Variants in LTAP1 observed in about 807,000 individuals in gnomAD.
LTAP1 encodes the protein HCV NS5A-transactivated protein 4.
chr1:154,210,466 G>A, the LTAP1 span, among the ~76,000 whole-genome samples: 2 of 152,050 alleles, frequency 1.3e-5, no homozygotes, highest in Non-Finnish European at 2.9e-5. Flanking sequence ...TTATTTTTAT[G>A]GCTGGTAACT....
chr1:154,219,948 AGAT>A, the LTAP1 span: 1 of 1,580,666 alleles, frequency 6.3e-7, no homozygotes, highest in East Asian at 2.2e-5. Context: ...CTGTCCAAAA[AGAT>A]GTAAAAATCC....
At chr1:154,216,336 AAAAATTT>A in the LTAP1 span, among the ~76,000 whole-genome samples, 1 of 102,726 alleles carries the variant, frequency 9.7e-6, no homozygotes, top group Non-Finnish European at 2.1e-5. Context: ...TGTTTAAAAA[AAAAATTT>A]TTTTTTTTTG....
At chr1:154,210,761 G>A in the LTAP1 span, among the ~76,000 whole-genome samples, 1 of 152,126 alleles carries the variant, frequency 6.6e-6, no homozygotes, top group Non-Finnish European at 1.5e-5. Context: ...ACAGGTGTGA[G>A]CCACTGCGCC....
chr1:154,218,754 G>T, the LTAP1 span, among the ~76,000 whole-genome samples: 1 of 152,162 alleles, frequency 6.6e-6, no homozygotes, highest in African/African-American at 2.4e-5. Flanking sequence ...GAACAAAACT[G>T]GCATGGTGCC....
At chr1:154,207,898 C>T in the LTAP1 span, among the ~76,000 whole-genome samples, 2 of 151,870 alleles carry the variant, frequency 1.3e-5, no homozygotes, top group African/African-American at 2.4e-5. Context: ...GTCAGGAGTT[C>T]GAGACCAGCC....
chr1:154,219,362 T>C, the LTAP1 span, among the ~76,000 whole-genome samples: 1 of 152,250 alleles, frequency 6.6e-6, no homozygotes, highest in Non-Finnish European at 1.5e-5. Flanking sequence ...ATTCACTTCC[T>C]ATACGTCTTC....
chr1:154,220,256 G>C, the LTAP1 span: 6 of 1,490,138 alleles, frequency 4.0e-6, no homozygotes, highest in South Asian at 5.6e-5. Context: ...TGAGTGGGTG[G>C]AGAATGCAGA....
At chr1:154,211,395 G>C in the LTAP1 span, among the ~76,000 whole-genome samples, 7 of 126,210 alleles carry the variant, frequency 5.5e-5, no homozygotes, top group African/African-American at 2.1e-4. Flanking sequence ...GGAGTGCAGT[G>C]GCGTGATCTC....
the LTAP1 span, chr1:154,220,279 C>A: frequency 5.0e-6 from 8 of 1,591,266 alleles, no homozygotes; most frequent in Non-Finnish European, 5.2e-6. Context: ...GGGTACAGCT[C>A]AAAAGGAGGG....
chr1:154,220,321 G>A, the LTAP1 span: 3 of 1,613,114 alleles, frequency 1.9e-6, no homozygotes, highest in East Asian at 2.2e-5. Flanking sequence ...CAGCAGGAAT[G>A]GGGTGGGGTA....
At chr1:154,207,340 T>C in the LTAP1 span, 1 of 937,166 alleles carries the variant, frequency 1.1e-6, no homozygotes, top group East Asian at 2.4e-5. Context: ...GGAACTTGGA[T>C]GGATACAGTC....
the LTAP1 span, chr1:154,207,298 A>G: frequency 3.0e-6 from 2 of 677,914 alleles, no homozygotes; most frequent in Non-Finnish European, 2.6e-6. Context: ...ATTACCCTTT[A>G]GACACAAGCT....
At chr1:154,220,536 C>A in the LTAP1 span, 1 of 926,522 alleles carries the variant, frequency 1.1e-6, no homozygotes, top group East Asian at 2.5e-5. Flanking sequence ...GGGGGAAGAC[C>A]AAGCCAGACC....
At chr1:154,209,577 C>T in the LTAP1 span, among the ~76,000 whole-genome samples, 1 of 151,404 alleles carries the variant, frequency 6.6e-6, no homozygotes, top group African/African-American at 2.4e-5. Context: ...GGTAGGTGGT[C>T]GCCACCACTC....
chr1:154,216,743 T>G, the LTAP1 span, among the ~76,000 whole-genome samples: 2 of 152,012 alleles, frequency 1.3e-5, no homozygotes, highest in Admixed American at 6.6e-5. Flanking sequence ...CTCAAACTCC[T>G]GACCTTGTGA....
chr1:154,212,308 C>T, the LTAP1 span: 3 of 1,614,168 alleles, frequency 1.9e-6, no homozygotes, highest in Non-Finnish European at 2.5e-6. Context: ...ACACGTTCCC[C>T]TCCAAACTCA....
At chr1:154,219,851 T>C in the LTAP1 span, 2 of 1,609,294 alleles carry the variant, frequency 1.2e-6, no homozygotes, top group Non-Finnish European at 1.7e-6. Flanking sequence ...GGGCATTGTG[T>C]CCCACAGGGA....
At chr1:154,207,787 A>G in the LTAP1 span, 2 of 719,522 alleles carry the variant, frequency 2.8e-6, no homozygotes, top group African/African-American at 3.6e-5. Context: ...ACTAGTTACT[A>G]AAACCCCATC....
chr1:154,217,218 G>A, the LTAP1 span, among the ~76,000 whole-genome samples: 1 of 152,048 alleles, frequency 6.6e-6, no homozygotes, highest in East Asian at 1.9e-4. Context: ...CAAAGTGCTG[G>A]GATTACAGGC....
Sources: allele counts gnomAD v4.1 joint callset (sites outside exome capture counted in the v4.1 genomes callset), GRCh38; gene constraint gnomAD v4.1.1; transcripts MANE v1.5; gene names NCBI Gene and HGNC (gene_info 2026-07-23, HGNC 2026-07-21).